PLEKHA7: variants seen among roughly 807,000 people sequenced by gnomAD.
PLEKHA7 encodes pleckstrin homology domain containing A7.
A neutral mutation model predicts 170.0 loss-of-function variants in PLEKHA7; 104 were observed. That is an observed-to-expected ratio of 0.61 (90% CI 0.52 to 0.72). The LOEUF (loss-of-function observed/expected upper bound fraction) is 0.72, where lower values mean the gene tolerates loss of function less well. PLEKHA7 is among the 30% of genes least tolerant of loss of function. PLEKHA7 has a pLI of 0.00. For synonymous variants in PLEKHA7, 648 were observed against 660.8 expected, an observed-to-expected ratio of 0.98 and a Z score of 0.30; for missense variants, 1,615 against 1,671.7, an observed-to-expected ratio of 0.97 and a Z score of 0.59.
intron 3 of PLEKHA7, among the ~76,000 whole-genome samples, chr11:16,882,085 A>C (rs1855756656): frequency 1.3e-5 from 2 of 152,224 alleles, no homozygotes; most frequent in Non-Finnish European, 2.9e-5. Context: ...TATGAGCTCC[A>C]TGGGGCAGAG....
chr11:16,962,988 C>G (rs751510868), intron 3 of PLEKHA7, among the ~76,000 whole-genome samples: 51 of 152,332 alleles, frequency 3.3e-4, no homozygotes, highest in Non-Finnish European at 6.6e-4. Flanking sequence ...CCTCCCACTG[C>G]AAGACAATCA....
At chr11:16,880,437 C>T (rs1427475028) in intron 3 of PLEKHA7, among the ~76,000 whole-genome samples, 1 of 152,262 alleles carries the variant, frequency 6.6e-6, no homozygotes, top group African/African-American at 2.4e-5. Context: ...ACAGTAGACA[C>T]TTCAACCTTC....
At chr11:16,884,681 T>C (rs996422566) in intron 3 of PLEKHA7, among the ~76,000 whole-genome samples, 1 of 151,908 alleles carries the variant, frequency 6.6e-6, no homozygotes, top group Non-Finnish European at 1.5e-5. Context: ...ATTGAACTTA[T>C]GTTAGAAAAC....
chr11:16,904,820 T>C (rs534663347), intron 3 of PLEKHA7, among the ~76,000 whole-genome samples: 24 of 152,218 alleles, frequency 1.6e-4, no homozygotes, highest in Non-Finnish European at 2.9e-4. Context: ...AAGAAATGTT[T>C]AGACATAAAA....
chr11:16,959,421 G>T (rs920446621), intron 3 of PLEKHA7, among the ~76,000 whole-genome samples: 3 of 152,158 alleles, frequency 2.0e-5, no homozygotes, highest in Non-Finnish European at 2.9e-5. Flanking sequence ...ATTACCTCAG[G>T]AAACTGCAGA....
At chr11:16,852,431 T>G in intron 6 of PLEKHA7, 76 bp from the exon 7 acceptor site, 1 of 1,262,564 alleles carries the variant, frequency 7.9e-7, no homozygotes, top group Non-Finnish European at 1.1e-6. Flanking sequence ...ACAACCTGAT[T>G]CCAGAACCAA....
chr11:16,802,704 T>C (rs1430686794), intron 15 of PLEKHA7, among the ~76,000 whole-genome samples: 3 of 152,136 alleles, frequency 2.0e-5, no homozygotes, highest in Non-Finnish European at 4.4e-5. Flanking sequence ...CCCACCACCA[T>C]GCCCAGCTAA....
chr11:16,879,177 C>T (rs1855527891), intron 3 of PLEKHA7, among the ~76,000 whole-genome samples: 1 of 152,174 alleles, frequency 6.6e-6, no homozygotes, highest in African/African-American at 2.4e-5. Context: ...TATATCCTCG[C>T]TAGTATTGCT....
rs1346117571 is a variant in PLEKHA7 at position 16,777,926 on chromosome 11, A to C, written c.*1072T>G. 6.6e-6 allele frequency: 1 copy of C among 152,252 alleles called. No homozygotes were observed. The highest frequency in any genetic ancestry group is 2.4e-5 in the African/African-American group (1 of 41,456). The allele number at this position is 152,252 out of a possible 1,614,324, so 9.4% of individuals were successfully genotyped here. A position where few individuals can be genotyped will look rare whatever the true frequency, so the allele number is the denominator to read the frequency against. ...AGTGTGGAGTTTATTGCTACGATACAATGAAAGTTGCTTCCTCTCACCTTT... is the reference window on the plus strand; with the variant it reads ...AGTGTGGAGTTTATTGCTACGATACCATGAAAGTTGCTTCCTCTCACCTTT... On this transcript the variant is annotated 3_prime_UTR_variant, in exon 27 of 27. Coordinates refer to ENST00000531066, the MANE Select transcript of PLEKHA7 (RefSeq NM_001329630.2).
chr11:16,841,486 T>C, intron 9 of PLEKHA7, 61 bp downstream of exon 9: 2 of 1,548,364 alleles, frequency 1.3e-6, no homozygotes, highest in Non-Finnish European at 1.8e-6. Flanking sequence ...CAAGAGGACC[T>C]ATCTGGGTCC....
Position 17,013,990 on chromosome 11 carries a change from C to G in PLEKHA7, c.220G>C (p.Asp74His). ...AGCGCGGCGGCCCCACTCACTCACT[C>G]GATGAAGTAGCTGGCGCCCTCCTCC... ...FTEEGASYFIDHNQQTTAFRH... is the reference protein window; with the variant it reads ...FTEEGASYFIHHNQQTTAFRH... The change falls in exon 3 of 27, where the codon GAC becomes CAC. Residue 74 changes from aspartate to histidine, a missense_variant and splice_region_variant. Coordinates refer to ENST00000531066, the MANE Select transcript of PLEKHA7 (RefSeq NM_001329630.2). 1.9e-6 allele frequency: 3 copies of G among 1,543,466 alleles called. No homozygotes were observed. The highest frequency in any genetic ancestry group is 1.9e-4 in the Middle Eastern group (1 of 5,248).
intron 4 of PLEKHA7, among the ~76,000 whole-genome samples, chr11:16,869,277 C>A (rs1376444324): frequency 6.6e-6 from 1 of 152,194 alleles, no homozygotes; most frequent in Admixed American, 6.5e-5. Context: ...CCATGGACCA[C>A]CAGTATCAAA....
intron 3 of PLEKHA7, among the ~76,000 whole-genome samples, chr11:16,902,750 A>T (rs896323151): frequency 6.6e-6 from 1 of 152,208 alleles, no homozygotes; most frequent in Non-Finnish European, 1.5e-5. Context: ...TTTAACTTTT[A>T]TTAGCTTCAG....
chr11:16,878,458 G>A (rs1457669487), intron 3 of PLEKHA7, among the ~76,000 whole-genome samples: 2 of 152,166 alleles, frequency 1.3e-5, no homozygotes, highest in Non-Finnish European at 2.9e-5. Flanking sequence ...CTTGACTCCT[G>A]CCTGGTTCCA....
chr11:16,943,097 G>A (rs1395100089), intron 3 of PLEKHA7, among the ~76,000 whole-genome samples: 1 of 152,156 alleles, frequency 6.6e-6, no homozygotes, highest in South Asian at 2.1e-4. Context: ...TAAAGCACCA[G>A]TATCTGATGA....
intron 3 of PLEKHA7, among the ~76,000 whole-genome samples, chr11:16,924,494 T>C (rs1387397227): frequency 1.3e-5 from 2 of 152,152 alleles, no homozygotes; most frequent in African/African-American, 4.8e-5. Flanking sequence ...GTCTGGAAGC[T>C]GCCTTGAGGA....
In PLEKHA7 at chr11:16,801,697, T is replaced by C. The variant is rs1231803329; in HGVS notation, c.2278A>G (p.Ile760Val). ...GACTCTCTGGAGAGCTCAGCTCGGA[T>C]ATGGACAAGGTCCTCCTGCAGCAAC... is the stretch of plus-strand genomic sequence containing the variant. ...QKLLQEDLVH[I>V]RAELSRESTE... The change falls in exon 16 of 27, where the codon ATC becomes GTC. Residue 760 changes from isoleucine to valine, a missense_variant. Ile to Val is a conservative substitution (Grantham distance 29, BLOSUM62 3). Transcript: ENST00000531066. 5.6e-6 allele frequency: 9 copies of C among 1,614,114 alleles called. No homozygotes were observed. The South Asian group carries it at 8.8e-5, about 16-fold the overall frequency.
chr11:16,945,018 C>A (rs1012788638), intron 3 of PLEKHA7, among the ~76,000 whole-genome samples: 2 of 152,110 alleles, frequency 1.3e-5, no homozygotes, highest in Non-Finnish European at 2.9e-5. Flanking sequence ...CTCACTGCAA[C>A]TTCTGCCTCC....
intron 3 of PLEKHA7, among the ~76,000 whole-genome samples, chr11:16,919,445 C>G (rs923028172): frequency 2.0e-5 from 3 of 152,058 alleles, no homozygotes; most frequent in African/African-American, 7.3e-5. Flanking sequence ...AGGAGACAGG[C>G]AGGAGGATCA....
Sources: allele counts gnomAD v4.1 joint callset (sites outside exome capture counted in the v4.1 genomes callset), GRCh38; gene constraint gnomAD v4.1.1; transcripts MANE v1.5; gene names NCBI Gene and HGNC (gene_info 2026-07-23, HGNC 2026-07-21).